EXD2: variants seen among roughly 807,000 people sequenced by gnomAD.
EXD2 encodes the protein exonuclease 3'-5' domain containing 2.
Under a neutral mutation model 62.5 loss-of-function variants are expected in EXD2, and 40 were observed. That is an observed-to-expected ratio of 0.64 (90% CI 0.50 to 0.83). The LOEUF is 0.83. EXD2 is among the 40% of genes least tolerant of loss of function. The pLI, the probability that EXD2 is intolerant of heterozygous loss-of-function variation, is 0.00. For synonymous variants in EXD2, 239 were observed against 291.9 expected, an observed-to-expected ratio of 0.82 and a Z score of 1.85; for missense variants, 671 against 761.8, an observed-to-expected ratio of 0.88 and a Z score of 1.40.
At chr14:69,197,972 G>A (rs1380371836) in intron 1 of EXD2, among the ~76,000 whole-genome samples, 3 of 152,106 alleles carry the variant, frequency 2.0e-5, no homozygotes, top group Non-Finnish European at 4.4e-5. Flanking sequence ...GCACATGATT[G>A]GTCCTGTTTG....
intron 1 of EXD2, among the ~76,000 whole-genome samples, chr14:69,199,939 C>A (rs1209239367): frequency 6.6e-6 from 1 of 152,010 alleles, no homozygotes; most frequent in Non-Finnish European, 1.5e-5. Context: ...ATGTGCTATA[C>A]ATAATTGCAT....
At chr14:69,198,102 A>G (rs2042268232) in intron 1 of EXD2, among the ~76,000 whole-genome samples, 1 of 152,172 alleles carries the variant, frequency 6.6e-6, no homozygotes, top group African/African-American at 2.4e-5. Flanking sequence ...AGACTTGTGT[A>G]TGTGATTATG....
In EXD2 at chr14:69,241,622, C is replaced by T. The variant is rs976281353; in HGVS notation, c.*522C>T. The T allele has an allele frequency of 5.3e-6, 2 of 378,104 alleles. No individual in the cohort carries two copies. The highest frequency in any genetic ancestry group is 2.1e-5 in the African/African-American group (1 of 48,186). The allele number at this position is 378,104 out of a possible 1,614,324, so 23.4% of individuals were successfully genotyped here. A position where few individuals can be genotyped will look rare whatever the true frequency, so the allele number is the denominator to read the frequency against. On this transcript the variant is annotated 3_prime_UTR_variant, in exon 10 of 10. Transcript: ENST00000685843. ...TCATTTCTTTGGCTTCATGCTCTCC[C>T]GTAACTCATGTGGTTGGGATCCATC... is the stretch of plus-strand genomic sequence containing the variant.
intron 3 of EXD2, among the ~76,000 whole-genome samples, chr14:69,218,428 GC>G (rs1324271295): frequency 6.6e-6 from 1 of 152,102 alleles, no homozygotes; most frequent in African/African-American, 2.4e-5. Flanking sequence ...CTGGATATTA[GC>G]CCTTTATCAG....
chr14:69,225,891 G>A (rs1319458566), intron 3 of EXD2, among the ~76,000 whole-genome samples: 1 of 152,158 alleles, frequency 6.6e-6, no homozygotes, highest in Non-Finnish European at 1.5e-5. Flanking sequence ...TGGATTCCTA[G>A]TGAGAAAACT....
intron 1 of EXD2, among the ~76,000 whole-genome samples, chr14:69,192,337 A>C (rs1049111080): frequency 6.6e-6 from 1 of 152,162 alleles, no homozygotes; most frequent in Non-Finnish European, 1.5e-5. Flanking sequence ...AAGGAATTGA[A>C]AGGTTTTGTT....
chr14:69,234,972 C>T lies in EXD2; in HGVS notation c.990C>T (p.His330=), dbSNP rs2043723008. ...TGGATGGGATGGTGCCAGGCAACCA[C>T]CAAGGGAGAGACCCCAGAAAACATA... The part of the protein sequence containing the change: ...SKMDGMVPGN[H]QGRDPRKHKR... Residue 330 remains histidine (H), a synonymous_variant, in exon 6 of 10, where the codon CAC becomes CAT. Transcript: ENST00000685843. 8.7e-6 allele frequency: 14 copies of T among 1,612,554 alleles called. No homozygotes were observed. Among genetic ancestry groups the T allele is most frequent in the Admixed American group, 1.7e-5 (1 of 59,698 alleles).
At chr14:69,220,808 G>T (rs942041322) in intron 3 of EXD2, among the ~76,000 whole-genome samples, 7 of 152,042 alleles carry the variant, frequency 4.6e-5, no homozygotes, top group African/African-American at 1.7e-4. Flanking sequence ...GGCAGAGGTT[G>T]CAGTGAACCA....
chr14:69,202,718 GA>G (rs1337729158), intron 1 of EXD2, among the ~76,000 whole-genome samples: 1 of 152,162 alleles, frequency 6.6e-6, no homozygotes, highest in African/African-American at 2.4e-5. Context: ...TATTTTCTCT[GA>G]AAACAAATAT....
At chr14:69,197,455 T>G (rs2042245782) in intron 1 of EXD2, among the ~76,000 whole-genome samples, 1 of 152,170 alleles carries the variant, frequency 6.6e-6, no homozygotes, top group African/African-American at 2.4e-5. Flanking sequence ...TTATTTTAAA[T>G]TCAGGGTGGT....
rs1266850190 is a variant in EXD2, at chr14:69,234,974, AAGGG to A, written c.995_998del (p.Gly332GlufsTer56). 1 of 1,612,706 alleles carries A rather than the reference AAGGG, an allele frequency of 6.2e-7. No homozygotes were observed. On this transcript the variant is annotated frameshift_variant, in exon 6 of 10. Transcript: ENST00000685843. LOFTEE classifies it high-confidence loss of function. ...GATGGGATGGTGCCAGGCAACCACC[AAGGG>A]AGAGACCCCAGAAAACATAAAAGAA...
At chr14:69,220,129 T>A (rs1336571872) in intron 3 of EXD2, among the ~76,000 whole-genome samples, 1 of 151,970 alleles carries the variant, frequency 6.6e-6, no homozygotes, top group African/African-American at 2.4e-5. Context: ...TTGAAATACA[T>A]TGATTTTTGA....
intron 9 of EXD2, among the ~76,000 whole-genome samples, chr14:69,238,599 GTTT>G (rs556113895): frequency 1.5e-5 from 2 of 131,240 alleles, no homozygotes; most frequent in African/African-American, 2.8e-5. Flanking sequence ...AGTACAGATA[GTTT>G]TTTTTTTTTT....
chr14:69,230,421 G>A, intron 4 of EXD2, 51 bp from the exon 5 acceptor site: 1 of 1,325,028 alleles, frequency 7.5e-7, no homozygotes, highest in Non-Finnish European at 1.0e-6. Flanking sequence ...TGATTTTCTT[G>A]TCCATGTCCT....
intron 3 of EXD2, among the ~76,000 whole-genome samples, chr14:69,213,378 T>A (rs976466074): frequency 7.1e-5 from 1 of 14,104 alleles, no homozygotes; most frequent in Non-Finnish European, 1.0e-4. Context: ...GGGCCCTTTT[T>A]TTTTTTTTTT....
At chr14:69,226,701 T>C (rs1472568654) in intron 3 of EXD2, among the ~76,000 whole-genome samples, 1 of 151,540 alleles carries the variant, frequency 6.6e-6, no homozygotes, top group Admixed American at 6.6e-5. Flanking sequence ...TGAGCTGAGA[T>C]TGCACTACTG....
At chr14:69,215,340 C>CAAT (rs139940363) in intron 3 of EXD2, among the ~76,000 whole-genome samples, 1,997 of 139,780 alleles carry the variant, frequency 0.014, 41 homozygotes, top group African/African-American at 0.06. Context: ...GTGTATAATA[C>CAAT]AATATATCAT....
At chr14:69,215,334 A>G (rs1042843890) in intron 3 of EXD2, among the ~76,000 whole-genome samples, 10 of 123,954 alleles carry the variant, frequency 8.1e-5, no homozygotes, top group African/African-American at 3.1e-4. Flanking sequence ...GTGTGTGTGT[A>G]TAATACAATA....
chr14:69,197,900 G>T (rs1356689898), intron 1 of EXD2, among the ~76,000 whole-genome samples: 1 of 152,054 alleles, frequency 6.6e-6, no homozygotes, highest in African/African-American at 2.4e-5. Flanking sequence ...TCCCACATAG[G>T]GTTATTGAAA....
Sources: allele counts gnomAD v4.1 joint callset (sites outside exome capture counted in the v4.1 genomes callset), GRCh38; gene constraint gnomAD v4.1.1; transcripts MANE v1.5; gene names NCBI Gene and HGNC (gene_info 2026-07-23, HGNC 2026-07-21).